The following ZNF160 variants were observed in gnomAD, a reference collection of about 807,000 sequenced individuals.
ZNF160 encodes KRAB zinc finger protein KR18.
ZNF160 carries 9 observed loss-of-function variants against 13.1 expected under a neutral mutation model. That is an observed-to-expected ratio of 0.69 (90% confidence interval 0.41 to 1.20). The LOEUF (loss-of-function observed/expected upper bound fraction) is 1.20. Among genes scored for constraint, ZNF160 ranks in the 50% most tolerant of loss-of-function variants. The probability of loss-of-function intolerance (pLI) is 0.01; values close to 1 mark genes in which losing one functional copy is unlikely to be tolerated. For missense variants in ZNF160, 838 were observed against 988.0 expected, an observed-to-expected ratio of 0.85 and a Z score of 2.04; for synonymous variants, 293 against 333.2, an observed-to-expected ratio of 0.88 and a Z score of 1.31.
chr19:53,079,842 G>A (rs149660256), intron 3 of ZNF160, among the ~76,000 whole-genome samples: 81 of 152,018 alleles, frequency 5.3e-4, no homozygotes, highest in Middle Eastern at 3.4e-3. Flanking sequence ...TCACATCACT[G>A]TGGGAGGCCA....
rs186232990 is a variant in ZNF160 at position 53,078,293 on chromosome 19, C to T, written c.16-3110G>A. ...GGTGTAGTGGCATGAGCCTGTAGTCCCAGCTACTCAGGAGGCTGAGGTAGG... is the reference window on the plus strand; with the variant it reads ...GGTGTAGTGGCATGAGCCTGTAGTCTCAGCTACTCAGGAGGCTGAGGTAGG... On this transcript the variant is annotated intron_variant, in intron 3 of 5. Transcript: ENST00000683776. 1.9e-3 allele frequency among the ~76,000 whole-genome samples: 288 copies of T among 151,854 alleles called. 1 individual carries two copies. The highest frequency in any genetic ancestry group is 3.3e-3 in the Non-Finnish European group (225 of 67,954).
At chr19:53,102,542 C>T (rs967467892) in intron 1 of ZNF160, among the ~76,000 whole-genome samples, 15 of 152,206 alleles carry the variant, frequency 9.9e-5, no homozygotes, top group African/African-American at 3.1e-4. Flanking sequence ...TCGCCAATTG[C>T]TTTTCTGCCC....
rs2085127310 is a variant in ZNF160 at position 53,093,988 on chromosome 19, G to A, written c.-353-2268C>T. On this transcript the variant is annotated intron_variant, in intron 1 of 5. Coordinates refer to ENST00000683776, the MANE Select transcript of ZNF160 (RefSeq NM_001322131.2). ...TAATAGATCAACAATTGAAAGATAA[G>A]GAAACAAGGCATTAGTGATGCACAT... Among the ~76,000 whole-genome samples the A allele has an allele frequency of 2.0e-5, 3 of 152,076 alleles. No individual in the cohort carries two copies. In the South Asian group the frequency reaches 6.2e-4, roughly 31 times the overall value.
chr19:53,069,965 G>C lies in ZNF160; in HGVS notation c.569C>G (p.Pro190Arg). ...QLGVSFHSHL[P>R]ELQLFQGEGK... ...CTCACCTTGAAATAGCTGCAGTTCA[G>C]GCAGATGAGAATGAAAGCTTACTCC... Residue 190 changes from proline (P) to arginine (R), a missense_variant, in exon 6 of 6, where the codon CCT becomes CGT. Coordinates refer to ENST00000683776, the MANE Select transcript of ZNF160 (RefSeq NM_001322131.2). The surrounding 1 kb of genome is among the most constrained non-coding windows in gnomAD (Gnocchi z 4.4). The C allele has an allele frequency of 2.5e-6, 4 of 1,614,080 alleles. 1 individual carries two copies. The highest frequency in any genetic ancestry group is 3.3e-4 in the Middle Eastern group (2 of 6,062).
At chr19:53,087,902 CT>C (rs2084902206) in intron 2 of ZNF160, among the ~76,000 whole-genome samples, 1 of 152,158 alleles carries the variant, frequency 6.6e-6, no homozygotes, top group African/African-American at 2.4e-5. Context: ...TGGGACATCC[CT>C]GTAGAGAGTT....
At chr19:53,086,198 C>T in intron 3 of ZNF160, 64 bp downstream of exon 3, 1 of 1,519,792 alleles carries the variant, frequency 6.6e-7, no homozygotes, top group East Asian at 2.3e-5. Context: ...AGAAGATTCG[C>T]AATGCCAATG....
In ZNF160 at chr19:53,068,806, T is replaced by C. The variant is rs78382850; in HGVS notation, c.1728A>G (p.Gln576=). The C allele has an allele frequency of 0.068, 110,125 of 1,613,966 alleles. 4,134 individuals carry two copies. The highest frequency in any genetic ancestry group is 0.077 in the Non-Finnish European group (90,696 of 1,179,966). The change falls in exon 6 of 6, where the codon CAA becomes CAG. Residue 576 remains glutamine, a synonymous_variant. Coordinates refer to ENST00000683776, the MANE Select transcript of ZNF160 (RefSeq NM_001322131.2). ...KCNECGKVFA[Q]TSQLARHWRV... ...TCCAATGCCTTGCAAGTTGTGATGTTTGAGCGAAGACTTTACCACATTCAT... is the reference window on the plus strand; with the variant it reads ...TCCAATGCCTTGCAAGTTGTGATGTCTGAGCGAAGACTTTACCACATTCAT...
intron 3 of ZNF160, chr19:53,075,903 T>C (rs1455024788): frequency 8.2e-6 from 4 of 486,810 alleles, no homozygotes; most frequent in South Asian, 1.5e-5. Context: ...TGTTGTGGGA[T>C]TGAGCCCTCA....
intron 1 of ZNF160, among the ~76,000 whole-genome samples, chr19:53,092,844 A>G (rs1480384376): frequency 6.6e-6 from 1 of 152,164 alleles, no homozygotes; most frequent in African/African-American, 2.4e-5. Context: ...TCACAACTAC[A>G]TCTACAGTTT....
Position 53,069,998 on chromosome 19 carries a change from T to C in ZNF160, c.536A>G (p.Asn179Ser), listed in dbSNP as rs1017154836. The change falls in exon 6 of 6, where the codon AAT becomes AGT. Residue 179 changes from asparagine to serine, a missense_variant. Physicochemically the swap from Asn to Ser is conservative, Grantham distance 46 (BLOSUM62 1). Transcript: ENST00000683776. This position sits in a 1 kb window ranked among gnomAD's most constrained non-coding sequence, Gnocchi z 4.4. Reference protein sequence around the residue: ...RRDIENKLMNNQLGVSFHSHL... With the variant: ...RRDIENKLMNSQLGVSFHSHL... ...AGAATGAAAGCTTACTCCAAGCTGATTGTTCATAAGCTTGTTTTCTATGTC... is the reference window on the plus strand; with the variant it reads ...AGAATGAAAGCTTACTCCAAGCTGACTGTTCATAAGCTTGTTTTCTATGTC... The C allele has an allele frequency of 3.7e-6, 6 of 1,614,148 alleles. No homozygotes were observed. Among genetic ancestry groups the C allele is most frequent in the Admixed American group, 3.3e-5 (2 of 60,018 alleles).
At chr19:53,095,145 G>T (rs1431215480) in intron 1 of ZNF160, among the ~76,000 whole-genome samples, 1 of 122,320 alleles carries the variant, frequency 8.2e-6, no homozygotes, top group African/African-American at 3.1e-5. Flanking sequence ...ACCCCAGGGC[G>T]ACTTTCACCC....
intron 1 of ZNF160, among the ~76,000 whole-genome samples, chr19:53,099,935 G>A (rs969951356): frequency 7.2e-5 from 11 of 152,252 alleles, no homozygotes; most frequent in South Asian, 4.1e-4. Context: ...ACTTTCTCAC[G>A]CCTCCCCTGG....
chr19:53,080,880 C>T (rs2084605198), intron 3 of ZNF160, among the ~76,000 whole-genome samples: 2 of 152,040 alleles, frequency 1.3e-5, no homozygotes, highest in South Asian at 4.1e-4. Flanking sequence ...GACACATATA[C>T]CAATGGAATA....
chr19:53,074,295 T>C (rs780764212), intron 4 of ZNF160, 27 bp from the exon 5 acceptor site: 8 of 1,612,288 alleles, frequency 5.0e-6, no homozygotes, highest in Admixed American at 1.7e-5. Flanking sequence ...AGGATCACAA[T>C]GTGCCGGGGC....
intron 3 of ZNF160, chr19:53,085,517 A>G (rs1046496432): frequency 1.3e-5 from 2 of 152,556 alleles, no homozygotes; most frequent in East Asian, 3.8e-4. Context: ...TTGACTCATA[A>G]CTGGTAAAAC....
intron 3 of ZNF160, among the ~76,000 whole-genome samples, chr19:53,079,645 G>T (rs926575875): frequency 8.5e-6 from 1 of 118,270 alleles, no homozygotes; most frequent in African/African-American, 3.5e-5. Context: ...ACACCAAAAG[G>T]AAACACAATA....
rs1387985037 is a variant in ZNF160, at chr19:53,070,213, G to A, written c.321C>T (p.Ser107=). The A allele has an allele frequency of 2.5e-6, 4 of 1,609,428 alleles. No homozygotes were observed. The highest frequency in any genetic ancestry group is 2.2e-5 in the East Asian group (1 of 44,832). The stretch of plus-strand genomic sequence containing the variant: ...CTGTGTGGAATACTGCTTCTGTACT[G>A]CTCTTCTCTTTTGGTAGCAAATCCT... ...TIKDLLPKEK[S]STEAVFHTVV... is the part of the protein sequence containing the mutation. The change falls in exon 6 of 6, where the codon AGC becomes AGT. Residue 107 remains serine (S), a synonymous_variant. Transcript: ENST00000683776.
At chr19:53,089,473 C>T in intron 2 of ZNF160, among the ~76,000 whole-genome samples, 1 of 152,096 alleles carries the variant, frequency 6.6e-6, no homozygotes, top group East Asian at 1.9e-4. Context: ...TCGCCCCTAC[C>T]CAACCCCATC....
At chr19:53,073,457 G>C (rs2084259766) in intron 5 of ZNF160, 2 of 1,598,306 alleles carry the variant, frequency 1.3e-6, no homozygotes, top group Admixed American at 3.3e-5. Flanking sequence ...CATGAGGTTT[G>C]GGGCAGCAGA....
Sources: gnomAD v4.1 joint callset for allele counts (sites outside exome capture counted in the v4.1 genomes callset) on GRCh38, gnomAD v4.1.1 for gene constraint, Gnocchi (gnomAD v3.1) non-coding constraint, MANE v1.5 for transcripts, NCBI Gene and HGNC (gene_info 2026-07-23, HGNC 2026-07-21) for gene names.